TMEM51: variants seen among roughly 807,000 people sequenced by gnomAD.
The protein encoded by TMEM51 is chromosome 1 open reading frame 72.
In TMEM51, 8 loss-of-function variants were observed where a neutral mutation model predicts 13.6. That is an observed-to-expected ratio of 0.59 (90% confidence interval 0.35 to 1.07). TMEM51 has a LOEUF of 1.07. TMEM51 is among the 50% of genes least tolerant of loss of function. TMEM51 has a pLI of 0.02. For missense variants in TMEM51, 279 were observed against 330.7 expected, an observed-to-expected ratio of 0.84 and a Z score of 1.21; for synonymous variants, 147 against 144.4, an observed-to-expected ratio of 1.02 and a Z score of -0.13.
At chr1:15,219,213 C>T (rs1471994983) in intron 3 of TMEM51, 113 bp from the exon 4 acceptor site, 28 of 1,125,338 alleles carry the variant, frequency 2.5e-5, no homozygotes, top group Non-Finnish European at 3.5e-5. Context: ...CTCTAAGACC[C>T]ATTTGTTATT....
chr1:15,180,089 A>G (rs1169122789), intron 1 of TMEM51, among the ~76,000 whole-genome samples: 1 of 152,220 alleles, frequency 6.6e-6, no homozygotes, highest in Non-Finnish European at 1.5e-5. Flanking sequence ...GGTGTGGCCC[A>G]CGAGCATCTC....
chr1:15,168,359 G>T, intron 1 of TMEM51: 1 of 1,029,954 alleles, frequency 9.7e-7, no homozygotes, highest in Non-Finnish European at 1.3e-6. Flanking sequence ...AGAAAGAAGG[G>T]GAATGGGGAA....
rs1005058318 is a variant in TMEM51 at position 15,207,113 on chromosome 1, G to A, written c.-266-3377G>A. ...TTGTGATGTGAATGTGGCACAGCCCGGTGGAACCGGGGATCCCTTTCCCAA... is the reference window on the plus strand; with the variant it reads ...TTGTGATGTGAATGTGGCACAGCCCAGTGGAACCGGGGATCCCTTTCCCAA... On this transcript the variant is annotated intron_variant, in intron 1 of 3. Coordinates refer to ENST00000376008, the MANE Select transcript of TMEM51 (RefSeq NM_001136218.2). The surrounding 1 kb of genome is among the most constrained non-coding windows in gnomAD (Gnocchi z 4.6). 6.6e-6 allele frequency among the ~76,000 whole-genome samples: 1 copy of A among 152,200 alleles called. No homozygotes were observed. The highest frequency in any genetic ancestry group is 1.5e-5 in the Non-Finnish European group (1 of 68,046).
chr1:15,165,942 A>C (rs1642981342), intron 1 of TMEM51, among the ~76,000 whole-genome samples: 1 of 152,190 alleles, frequency 6.6e-6, no homozygotes, highest in Non-Finnish European at 1.5e-5. Flanking sequence ...TCTCAAAAAA[A>C]AAGTTAGGGT....
intron 1 of TMEM51, among the ~76,000 whole-genome samples, chr1:15,185,477 T>C (rs1313032706): frequency 6.6e-6 from 1 of 152,242 alleles, no homozygotes; most frequent in Non-Finnish European, 1.5e-5. Flanking sequence ...GGCCCAATAC[T>C]TCTTGGAAGT....
At chr1:15,217,539 A>T (rs1644449783) in intron 3 of TMEM51, among the ~76,000 whole-genome samples, 1 of 152,202 alleles carries the variant, frequency 6.6e-6, no homozygotes, top group South Asian at 2.1e-4. Context: ...TGGAAGCCAA[A>T]AAGTCCCACA....
At position 15,215,432 on chromosome 1, in the gene TMEM51, G is replaced by A. The variant is rs1442959352; in HGVS notation, c.344+1G>A. The A allele has an allele frequency of 6.3e-7, 1 of 1,594,434 alleles. No homozygotes were observed. Among genetic ancestry groups the A allele is most frequent in the East Asian group, 2.2e-5 (1 of 44,614 alleles). On this transcript the variant is annotated splice_donor_variant, in intron 3 of 3. Coordinates refer to ENST00000376008, the MANE Select transcript of TMEM51 (RefSeq NM_001136218.2). LOFTEE classifies it high-confidence loss of function. ...GGCCTCACGCCCAGGAGGAAGACAGGTGAGGCCTGACTGTCCCCTTCCCTC... is the reference window on the plus strand; with the variant it reads ...GGCCTCACGCCCAGGAGGAAGACAGATGAGGCCTGACTGTCCCCTTCCCTC...
chr1:15,174,977 A>G (rs966487338), intron 1 of TMEM51, among the ~76,000 whole-genome samples: 5 of 152,180 alleles, frequency 3.3e-5, no homozygotes, highest in African/African-American at 1.2e-4. Flanking sequence ...GATGGACACA[A>G]ATATTCAGTC....
At chr1:15,162,375 C>A (rs1378451538) in intron 1 of TMEM51, among the ~76,000 whole-genome samples, 1 of 151,952 alleles carries the variant, frequency 6.6e-6, no homozygotes, top group Non-Finnish European at 1.5e-5. Context: ...GTTGGCCAAG[C>A]TGGTCTTGAA....
intron 1 of TMEM51, among the ~76,000 whole-genome samples, chr1:15,195,945 C>T (rs1018853500): frequency 6.6e-6 from 1 of 152,170 alleles, no homozygotes; most frequent in Non-Finnish European, 1.5e-5. Context: ...ATGTGTGGGT[C>T]CTCAGAGACC....
intron 1 of TMEM51, among the ~76,000 whole-genome samples, chr1:15,159,148 A>G (rs1295794855): frequency 2.6e-5 from 4 of 152,254 alleles, no homozygotes; most frequent in Non-Finnish European, 5.9e-5. Context: ...TGCTAAGGAT[A>G]CAAAACATCC....
chr1:15,199,190 C>T (rs1003828404), intron 1 of TMEM51, among the ~76,000 whole-genome samples: 5 of 150,558 alleles, frequency 3.3e-5, no homozygotes, highest in African/African-American at 1.2e-4. Context: ...TGGAGTGCAA[C>T]GGCGCAATCT....
intron 1 of TMEM51, among the ~76,000 whole-genome samples, chr1:15,195,134 T>C (rs557670720): frequency 2.8e-4 from 43 of 152,062 alleles, no homozygotes; most frequent in African/African-American, 8.9e-4. Context: ...GGTTTCGTCA[T>C]GTTGCCCAGG....
chr1:15,218,118 C>T (rs1038660602), intron 3 of TMEM51, among the ~76,000 whole-genome samples: 16 of 152,100 alleles, frequency 1.1e-4, no homozygotes, highest in African/African-American at 2.4e-4. Flanking sequence ...TGGCTATTGG[C>T]GTTAATTCTG....
At chr1:15,181,451 G>A (rs968225358) in intron 1 of TMEM51, among the ~76,000 whole-genome samples, 7 of 152,138 alleles carry the variant, frequency 4.6e-5, no homozygotes, top group African/African-American at 1.7e-4. Flanking sequence ...TACATCCAGG[G>A]ACTCTTAAGC....
At chr1:15,162,378 G>C (rs1642810696) in intron 1 of TMEM51, among the ~76,000 whole-genome samples, 1 of 151,952 alleles carries the variant, frequency 6.6e-6, no homozygotes, top group Admixed American at 6.5e-5. Flanking sequence ...GGCCAAGCTG[G>C]TCTTGAACTC....
At chr1:15,154,086 G>T (rs1642497370) in intron 1 of TMEM51, 132 bp downstream of exon 1, 1 of 151,990 alleles carries the variant, frequency 6.6e-6, no homozygotes, top group Non-Finnish European at 1.5e-5. Context: ...AGCGCTTCCC[G>T]CCTGGGGTCG....
intron 1 of TMEM51, among the ~76,000 whole-genome samples, chr1:15,204,953 C>G (rs1397681064): frequency 6.6e-6 from 1 of 152,052 alleles, no homozygotes; most frequent in Non-Finnish European, 1.5e-5. Flanking sequence ...GGAGAAGGTT[C>G]GAGGTGTCAG....
At chr1:15,195,953 A>C (rs570385561) in intron 1 of TMEM51, among the ~76,000 whole-genome samples, 1 of 152,246 alleles carries the variant, frequency 6.6e-6, no homozygotes, top group East Asian at 1.9e-4. Flanking sequence ...GTCCTCAGAG[A>C]CCTGCAACTC....
Sources: gnomAD v4.1 joint callset for allele counts (sites outside exome capture counted in the v4.1 genomes callset) on GRCh38, gnomAD v4.1.1 for gene constraint, Gnocchi (gnomAD v3.1) non-coding constraint, MANE v1.5 for transcripts, NCBI Gene and HGNC (gene_info 2026-07-23, HGNC 2026-07-21) for gene names.